ZNF329: variants seen among roughly 807,000 people sequenced by gnomAD.
ZNF329 encodes the protein zinc finger protein 329.
Under a neutral mutation model 26.6 loss-of-function variants are expected in ZNF329, and 15 were observed. That is an observed-to-expected ratio of 0.56 (90% confidence interval 0.38 to 0.87). The LOEUF is 0.87. Among genes scored for constraint, ZNF329 ranks in the 40% least tolerant of loss-of-function variants. The pLI is 0.00. For missense variants in ZNF329, 651 were observed against 651.9 expected (o/e 1.00, Z 0.02); for synonymous variants, 239 against 233.5 (o/e 1.02, Z -0.21).
intron 3 of ZNF329, among the ~76,000 whole-genome samples, chr19:58,140,414 C>CTTT (rs11436059): frequency 2.9e-5 from 4 of 138,466 alleles, no homozygotes; most frequent in African/African-American, 5.4e-5. Flanking sequence ...AAAACTCTTT[C>CTTT]TTTTTTTTTT....
chr19:58,128,558 T>C lies in ZNF329; in HGVS notation c.946A>G (p.Arg316Gly), dbSNP rs1344197481. The C allele has an allele frequency of 1.2e-6, 2 of 1,614,010 alleles. No homozygotes were observed. Among genetic ancestry groups the C allele is most frequent in the African/African-American group, 2.7e-5 (2 of 74,932 alleles). Reference protein sequence around the residue: ...QRTHTGEKPYRCNECGKPFTD... With the variant: ...QRTHTGEKPYGCNECGKPFTD... ...AAGGGTTTCCCACATTCGTTACATC[T>C]ATATGGTTTTTCCCCTGTATGAGTT... Residue 316 changes from arginine to glycine, a missense_variant, in exon 4 of 4, where the codon AGA becomes GGA. By Grantham distance (125) the Arg-to-Gly change is moderately radical. Coordinates refer to ENST00000598312, the MANE Select transcript of ZNF329 (RefSeq NM_024620.4).
At chr19:58,151,028 C>A (rs1024950580), upstream of ZNF329, among the ~76,000 whole-genome samples, 2 of 152,190 alleles carry the variant, frequency 1.3e-5, no homozygotes, top group Non-Finnish European at 2.9e-5. Flanking sequence ...TAAAATATTT[C>A]TTTATCTATA....
At chr19:58,149,659 C>T (rs1199266272) in intron 1 of ZNF329, among the ~76,000 whole-genome samples, 1 of 152,066 alleles carries the variant, frequency 6.6e-6, no homozygotes, top group Non-Finnish European at 1.5e-5. Context: ...AAAAAACAGA[C>T]AAAAACTGGG....
upstream of ZNF329, among the ~76,000 whole-genome samples, chr19:58,152,462 A>G (rs141880642): frequency 4.1e-3 from 631 of 152,172 alleles, 6 homozygotes; most frequent in African/African-American, 0.014. Context: ...CTACTAAACA[A>G]AAGTATAGCA....
Position 58,128,488 on chromosome 19 carries a change from C to A in ZNF329, c.1016G>T (p.Gly339Val). The A allele has an allele frequency of 2.5e-6, 4 of 1,613,802 alleles. No homozygotes were observed. The highest frequency in any genetic ancestry group is 3.4e-6 in the Non-Finnish European group (4 of 1,179,796). The change falls in exon 4 of 4, where the codon GGT becomes GTT. Residue 339 changes from glycine to valine, a missense_variant. Gly to Val is a moderately radical substitution (Grantham distance 109, BLOSUM62 -3). Coordinates refer to ENST00000598312, the MANE Select transcript of ZNF329 (RefSeq NM_024620.4). ...TTTGCTACACTCATAGGGCTTCTCACCGGTGTGGATTCTGAGATGCACTGT... is the reference window on the plus strand; with the variant it reads ...TTTGCTACACTCATAGGGCTTCTCAACGGTGTGGATTCTGAGATGCACTGT... ...HLTVHLRIHT[G>V]EKPYECSKCG...
At chr19:58,144,384 A>ATC (rs1335729765) in intron 1 of ZNF329, among the ~76,000 whole-genome samples, 12,248 of 74,566 alleles carry the variant, frequency 0.16, 736 homozygotes, top group East Asian at 0.23. Context: ...ATCTATCTAT[A>ATC]TATATATATA....
At position 58,128,826 on chromosome 19, in the gene ZNF329, G is replaced by C. The variant is rs116840582; in HGVS notation, c.678C>G (p.Thr226=). Residue 226 remains threonine, a synonymous_variant, in exon 4 of 4, where the codon ACC becomes ACG. Transcript: ENST00000598312. ...CATTACAAGTATAAGGCTTCTCTCCGGTGTGAGTTCGGTGATGCAAAACAA... is the reference window on the plus strand; with the variant it reads ...CATTACAAGTATAAGGCTTCTCTCCCGTGTGAGTTCGGTGATGCAAAACAA... ...SSLVLHHRTH[T]GEKPYTCNEC... 6.2e-7 allele frequency: 1 copy of C among 1,608,430 alleles called. No homozygotes were observed. Among genetic ancestry groups the C allele is most frequent in the Non-Finnish European group, 8.5e-7 (1 of 1,177,710 alleles).
At chr19:58,145,249 C>G (rs1053805319) in intron 1 of ZNF329, among the ~76,000 whole-genome samples, 2 of 151,390 alleles carry the variant, frequency 1.3e-5, no homozygotes, top group African/African-American at 4.9e-5. Context: ...CTCAGATTCC[C>G]AAAGTGCTGG....
chr19:58,146,610 G>A (rs2075315642), intron 1 of ZNF329, among the ~76,000 whole-genome samples: 1 of 151,640 alleles, frequency 6.6e-6, no homozygotes. Context: ...AGCCGAAGCT[G>A]GACGGTACTG....
intron 3 of ZNF329, among the ~76,000 whole-genome samples, chr19:58,134,052 T>C (rs2075011325): frequency 6.6e-6 from 1 of 152,196 alleles, no homozygotes; most frequent in Non-Finnish European, 1.5e-5. Flanking sequence ...AGAATAAATG[T>C]AGTATAAAAC....
At chr19:58,132,010 G>A (rs1327659473) in intron 3 of ZNF329, among the ~76,000 whole-genome samples, 3 of 128,822 alleles carry the variant, frequency 2.3e-5, no homozygotes, top group East Asian at 4.4e-4. Flanking sequence ...GCAACAGGGC[G>A]AGACTCTGCC....
intron 1 of ZNF329, among the ~76,000 whole-genome samples, chr19:58,147,213 G>C (rs1354615291): frequency 1.3e-5 from 2 of 150,726 alleles, no homozygotes; most frequent in Non-Finnish European, 3.0e-5. Context: ...ACCCCGTCTG[G>C]GAGGTGAGGA....
chr19:58,140,353 C>G (rs1254358069), intron 3 of ZNF329, among the ~76,000 whole-genome samples: 1 of 151,376 alleles, frequency 6.6e-6, no homozygotes, highest in Non-Finnish European at 1.5e-5. Context: ...GTGCACATTA[C>G]ATAAAAATTT....
chr19:58,141,802 A>T (rs1453370402), intron 3 of ZNF329, among the ~76,000 whole-genome samples: 1 of 151,990 alleles, frequency 6.6e-6, no homozygotes. Flanking sequence ...CTGAGGCAGG[A>T]GAATCGCTTG....
At chr19:58,130,260 T>C (rs1050315266) in intron 3 of ZNF329, among the ~76,000 whole-genome samples, 5 of 150,494 alleles carry the variant, frequency 3.3e-5, no homozygotes, top group African/African-American at 1.2e-4. Flanking sequence ...TAGGCAGAGG[T>C]TGCAGTGAGC....
intron 1 of ZNF329, among the ~76,000 whole-genome samples, chr19:58,144,451 G>A (rs574918731): frequency 2.6e-5 from 4 of 151,276 alleles, no homozygotes; most frequent in African/African-American, 4.9e-5. Context: ...GCAGTGGCGC[G>A]ATCTCGGCTC....
At chr19:58,144,391 TATA>T (rs1362667899) in intron 1 of ZNF329, among the ~76,000 whole-genome samples, 20 of 111,878 alleles carry the variant, frequency 1.8e-4, no homozygotes, top group African/African-American at 4.1e-4. Context: ...TATATATATA[TATA>T]TATTTTTTTT....
chr19:58,153,012 A>G (rs1413166443), upstream of ZNF329, among the ~76,000 whole-genome samples: 3 of 152,358 alleles, frequency 2.0e-5, no homozygotes, highest in South Asian at 6.2e-4. Context: ...AAAGTTAACA[A>G]TAAAGCATAA....
chr19:58,128,088 C>A lies in ZNF329; in HGVS notation c.1416G>T (p.Lys472Asn), dbSNP rs2074842446. The change falls in exon 4 of 4, where the codon AAG becomes AAT. Residue 472 changes from lysine (K) to asparagine (N), a missense_variant. Physicochemically the swap from Lys to Asn is moderately conservative, Grantham distance 94 (BLOSUM62 0). Coordinates refer to ENST00000598312, the MANE Select transcript of ZNF329 (RefSeq NM_024620.4). ...KAFRDSSCLT[K>N]HQRIHTKETP... ...TCTCCTTAGTGTGAATTCTCTGGTG[C>A]TTGGTCAGACAGGAGCTGTCCCTGA... 1 of 1,608,168 alleles carries A rather than the reference C, an allele frequency of 6.2e-7. No individual in the cohort carries two copies. Among genetic ancestry groups the A allele is most frequent in the Non-Finnish European group, 8.5e-7 (1 of 1,177,092 alleles).
Sources: gnomAD v4.1 joint callset for allele counts (sites outside exome capture counted in the v4.1 genomes callset) on GRCh38, gnomAD v4.1.1 for gene constraint, MANE v1.5 for transcripts, NCBI Gene and HGNC (gene_info 2026-07-23, HGNC 2026-07-21) for gene names.